The following ECE1 variants were observed in gnomAD, a reference collection of about 807,000 sequenced individuals.
ECE1 encodes endothelin converting enzyme 1, also known as endothelin-converting enzyme 1.
A neutral mutation model predicts 98.6 loss-of-function variants in ECE1; 35 were observed. The observed-to-expected ratio is 0.35, with a 90% CI of 0.27 to 0.47. The LOEUF (loss-of-function observed/expected upper bound fraction) is 0.47. ECE1 is among the 20% of genes least tolerant of loss of function. The pLI, the probability that ECE1 is intolerant of heterozygous loss-of-function variation, is 1.00. For synonymous variants in ECE1, 394 were observed against 407.1 expected (o/e 0.97, Z 0.39); for missense variants, 814 against 1,025.3 (o/e 0.79, Z 2.81).
chr1:21,341,038 C>G (rs1431806117), intron 1 of ECE1, among the ~76,000 whole-genome samples: 4 of 151,902 alleles, frequency 2.6e-5, no homozygotes, highest in South Asian at 2.1e-4. Context: ...CCCTCCACCC[C>G]CCGCCCCCCA....
chr1:21,257,678 A>G (rs2098221594), intron 6 of ECE1, 88 bp from the exon 7 acceptor site: 13 of 1,409,212 alleles, frequency 9.2e-6, no homozygotes, highest in South Asian at 8.2e-5. Flanking sequence ...TGGCTGGCAC[A>G]TGGCAGCAGA....
At chr1:21,324,439 C>T (rs1040765655) in intron 1 of ECE1, among the ~76,000 whole-genome samples, 1 of 152,224 alleles carries the variant, frequency 6.6e-6, no homozygotes. Context: ...CAGGGAGACT[C>T]CAACGGCTGC....
chr1:21,315,564 C>A (rs1638813674), intron 1 of ECE1, among the ~76,000 whole-genome samples: 1 of 152,120 alleles, frequency 6.6e-6, no homozygotes, highest in Admixed American at 6.6e-5. Context: ...GAGGCCAAGG[C>A]AGGCAGATCA....
intron 1 of ECE1, among the ~76,000 whole-genome samples, chr1:21,337,483 G>A (rs1012613636): frequency 2.6e-5 from 4 of 152,224 alleles, no homozygotes; most frequent in Non-Finnish European, 4.4e-5. Context: ...ATGCAGGTGT[G>A]TGCATTTGTA....
chr1:21,289,999 G>GGGGGGGGGGGGGGGGGGGC, intron 2 of ECE1, 71 bp downstream of exon 2: 1 of 1,257,112 alleles, frequency 8.0e-7, no homozygotes, highest in Non-Finnish European at 1.0e-6. Flanking sequence ...GGGGCGGGGG[G>GGGGGGGGGGGGGGGGGGGC]CGCGGCAGCG....
intron 18 of ECE1, among the ~76,000 whole-genome samples, chr1:21,221,127 G>A (rs1281063277): frequency 6.6e-6 from 1 of 152,196 alleles, no homozygotes; most frequent in Non-Finnish European, 1.5e-5. Context: ...GTAGCTCTGA[G>A]TGCCAGCAGA....
intron 2 of ECE1, among the ~76,000 whole-genome samples, chr1:21,289,685 C>G (rs1029545603): frequency 2.6e-5 from 4 of 152,036 alleles, no homozygotes; most frequent in Non-Finnish European, 5.9e-5. Context: ...CACGCTAAAA[C>G]AGAAACAGCC....
chr1:21,329,199 CACTT>C (rs1303691293), intron 1 of ECE1, among the ~76,000 whole-genome samples: 3 of 152,186 alleles, frequency 2.0e-5, no homozygotes, highest in Non-Finnish European at 2.9e-5. Flanking sequence ...CTCCCCCCGA[CACTT>C]ACTGAGTTAG....
At chr1:21,287,498 C>T (rs1344866216) in intron 2 of ECE1, among the ~76,000 whole-genome samples, 2 of 152,090 alleles carry the variant, frequency 1.3e-5, no homozygotes, top group Admixed American at 1.3e-4. Flanking sequence ...TGCACTCCAG[C>T]CTCTACAACA....
chr1:21,222,475 A>G (rs2098168724), intron 17 of ECE1, among the ~76,000 whole-genome samples: 1 of 152,180 alleles, frequency 6.6e-6, no homozygotes, highest in East Asian at 1.9e-4. Flanking sequence ...GGATGGCCAG[A>G]GAGTGAGCAC....
chr1:21,309,937 G>GC (rs1422959060), intron 1 of ECE1, among the ~76,000 whole-genome samples: 1 of 151,982 alleles, frequency 6.6e-6, no homozygotes, highest in Non-Finnish European at 1.5e-5. Context: ...GACTACAGGC[G>GC]CCCGCCACCA....
In ECE1 at chr1:21,258,596, C is replaced by T; in HGVS notation, c.762+97G>A. 8.1e-7 allele frequency: 1 copy of T among 1,238,088 alleles called. No homozygotes were observed. The highest frequency in any genetic ancestry group is 1.1e-6 in the Non-Finnish European group (1 of 870,952). 76.7% of individuals were successfully genotyped at this position (1,238,088 alleles called of 1,614,324 possible). A position where few individuals can be genotyped will look rare whatever the true frequency, so the allele number is the denominator to read the frequency against. ...GAAACTAGAAGACCGCCGTCCCACCCAGGGCAAGCCCCTCTCCCACCCCAG... is the reference window on the plus strand; with the variant it reads ...GAAACTAGAAGACCGCCGTCCCACCTAGGGCAAGCCCCTCTCCCACCCCAG... On this transcript the variant is annotated intron_variant, in intron 6 of 18. Coordinates refer to ENST00000374893, the MANE Select transcript of ECE1 (RefSeq NM_001397.3). This position sits in a 1 kb window ranked among gnomAD's most constrained non-coding sequence, Gnocchi z 4.2.
intron 8 of ECE1, among the ~76,000 whole-genome samples, 179 bp downstream of exon 8, chr1:21,255,768 G>T (rs2098219067): frequency 6.6e-6 from 1 of 152,186 alleles, no homozygotes; most frequent in Non-Finnish European, 1.5e-5. Context: ...CCCTTCAGCA[G>T]GTAACTTGAC....
chr1:21,256,265 C>A (rs1436304782), intron 7 of ECE1, 127 bp from the exon 8 acceptor site: 2 of 1,096,658 alleles, frequency 1.8e-6, no homozygotes, highest in Non-Finnish European at 2.5e-6. Context: ...GCCCCCAAGA[C>A]ACCCGTGGGG....
At chr1:21,296,141 C>T (rs922330268) in intron 1 of ECE1, among the ~76,000 whole-genome samples, 40 of 152,226 alleles carry the variant, frequency 2.6e-4, no homozygotes, top group African/African-American at 8.9e-4. Context: ...CTGCTGTAAA[C>T]TCAGTGAAAA....
Position 21,217,616 on chromosome 1 carries a change from T to C in ECE1, c.*2339A>G, listed in dbSNP as rs1175048100. 1.3e-5 allele frequency: 2 copies of C among 152,234 alleles called. No homozygotes were observed. Among genetic ancestry groups the C allele is most frequent in the Non-Finnish European group, 2.9e-5 (2 of 68,094 alleles). 9.4% of individuals were successfully genotyped at this position (152,234 alleles called of 1,614,324 possible). A position where few individuals can be genotyped will look rare whatever the true frequency, so the allele number is the denominator to read the frequency against. On this transcript the variant is annotated 3_prime_UTR_variant, in exon 19 of 19. Coordinates refer to ENST00000374893, the MANE Select transcript of ECE1 (RefSeq NM_001397.3). The stretch of plus-strand genomic sequence containing the variant: ...AGGGGGTCCAAGCCCATGGTGCTGG[T>C]GCTGACACTACAGGACCACCACCCT...
At chr1:21,321,269 T>C (rs529741718) in intron 1 of ECE1, among the ~76,000 whole-genome samples, 23 of 152,174 alleles carry the variant, frequency 1.5e-4, no homozygotes, top group African/African-American at 5.5e-4. Context: ...AACCCTAACA[T>C]AAACCAGAAA....
In ECE1 at chr1:21,243,654, C is replaced by G. The variant is rs28368005; in HGVS notation, c.1278+1335G>C. Among the ~76,000 whole-genome samples the G allele has an allele frequency of 5.3e-3, 806 of 152,340 alleles. 7 individuals carry two copies. The highest frequency in any genetic ancestry group is 0.019 in the African/African-American group (773 of 41,580). On this transcript the variant is annotated intron_variant, in intron 10 of 18. Coordinates refer to ENST00000374893, the MANE Select transcript of ECE1 (RefSeq NM_001397.3). The stretch of plus-strand genomic sequence containing the variant: ...CACAGACCATCTTTGGAACCATCAT[C>G]CTGGGTCCTGATCAAATCTCTCTGT...
intron 4 of ECE1, among the ~76,000 whole-genome samples, chr1:21,268,059 T>C (rs2103313098): frequency 6.6e-6 from 1 of 152,266 alleles, no homozygotes; most frequent in East Asian, 1.9e-4. Context: ...CAGTATAAAA[T>C]ACAGTAAAGC....
Sources: allele counts gnomAD v4.1 joint callset (sites outside exome capture counted in the v4.1 genomes callset), GRCh38; gene constraint gnomAD v4.1.1; non-coding constraint Gnocchi (gnomAD v3.1); transcripts MANE v1.5; gene names NCBI Gene and HGNC (gene_info 2026-07-23, HGNC 2026-07-21).